AGK: variants seen among roughly 807,000 people sequenced by gnomAD.
AGK encodes the protein acylglycerol kinase, mitochondrial.
AGK carries 52 observed loss-of-function variants against 66.4 expected under a neutral mutation model. The ratio of observed to expected loss-of-function variants is 0.78; its 90% CI spans 0.63 to 0.99. The LOEUF is 0.99. Ranked by LOEUF, AGK falls within the 50% of genes least tolerant of loss-of-function variation. The pLI, the probability that AGK is intolerant of heterozygous loss-of-function variation, is 0.00. For synonymous variants in AGK, 182 were observed against 181.1 expected (o/e 1.00, Z -0.04); for missense variants, 451 against 506.6 (o/e 0.89, Z 1.05).
chr7:141,622,532 A>G (rs187912462), intron 9 of AGK, among the ~76,000 whole-genome samples: 1 of 152,276 alleles, frequency 6.6e-6, no homozygotes, highest in Non-Finnish European at 1.5e-5. Context: ...GTGATCTGCT[A>G]TCGGTGATCT....
At chr7:141,559,259 G>A (rs1795283971) in intron 2 of AGK, among the ~76,000 whole-genome samples, 1 of 152,032 alleles carries the variant, frequency 6.6e-6, no homozygotes, top group African/African-American at 2.4e-5. Flanking sequence ...CTTACATTTA[G>A]GTCTTTAACA....
chr7:141,613,052 T>C (rs1266572510), intron 6 of AGK, among the ~76,000 whole-genome samples: 1 of 152,156 alleles, frequency 6.6e-6, no homozygotes, highest in Admixed American at 6.5e-5. Context: ...GTGCTAATGA[T>C]GTTGTAATTG....
In AGK at chr7:141,633,951, T is replaced by C; in HGVS notation, c.639T>C (p.Ser213=). 1 of 1,614,076 alleles carries C rather than the reference T, an allele frequency of 6.2e-7. No individual in the cohort carries two copies. Among genetic ancestry groups the C allele is most frequent in the Non-Finnish European group, 8.5e-7 (1 of 1,179,932 alleles). Residue 213 remains serine (S), a synonymous_variant, in exon 10 of 16, where the codon TCT becomes TCC. Transcript: ENST00000649286. ...VFAMTGLRWG[S]FRDAGVKVSK... is the part of the protein sequence containing the mutation. Reference sequence around the variant, plus strand: ...CAATGACCGGCCTTCGATGGGGATCTTTCAGAGATGCTGGCGTCAAAGTTA... The same window carrying C: ...CAATGACCGGCCTTCGATGGGGATCCTTCAGAGATGCTGGCGTCAAAGTTA...
At chr7:141,624,305 C>T (rs1043861831) in intron 9 of AGK, among the ~76,000 whole-genome samples, 1 of 152,050 alleles carries the variant, frequency 6.6e-6, no homozygotes, top group Non-Finnish European at 1.5e-5. Context: ...AAGTGAGACC[C>T]CATCTATACA....
intron 14 of AGK, chr7:141,650,644 C>G: frequency 4.1e-6 from 4 of 985,422 alleles, no homozygotes; most frequent in Non-Finnish European, 4.8e-6. Context: ...AAAGATACAT[C>G]TGCATGAGGT....
chr7:141,622,734 A>T (rs150313933), intron 9 of AGK, among the ~76,000 whole-genome samples: 12 of 152,282 alleles, frequency 7.9e-5, no homozygotes, highest in Non-Finnish European at 1.6e-4. Context: ...CATAAAGAAG[A>T]CGCATCTGTC....
At chr7:141,563,257 A>G (rs1457909861) in intron 2 of AGK, among the ~76,000 whole-genome samples, 2 of 152,146 alleles carry the variant, frequency 1.3e-5, no homozygotes, top group East Asian at 3.8e-4. Context: ...CCTGCCTTTT[A>G]TCTGTCATCT....
intron 9 of AGK, among the ~76,000 whole-genome samples, chr7:141,626,598 T>C (rs1356290385): frequency 6.6e-6 from 1 of 152,224 alleles, no homozygotes; most frequent in Non-Finnish European, 1.5e-5. Context: ...ACATCACCTA[T>C]GTATTTTGCT....
chr7:141,631,930 C>T (rs1488815271), intron 9 of AGK, among the ~76,000 whole-genome samples: 1 of 152,116 alleles, frequency 6.6e-6, no homozygotes, highest in Non-Finnish European at 1.5e-5. Context: ...CCATCACCTC[C>T]TTATATTAAT....
At chr7:141,646,398 A>G (rs1010576845) in intron 13 of AGK, among the ~76,000 whole-genome samples, 1 of 152,196 alleles carries the variant, frequency 6.6e-6, no homozygotes, top group African/African-American at 2.4e-5. Context: ...TCCTCTTCAG[A>G]CATGGGGCAT....
intron 2 of AGK, among the ~76,000 whole-genome samples, chr7:141,585,379 C>T (rs79963686): frequency 0.061 from 9,294 of 152,262 alleles, 533 homozygotes; most frequent in South Asian, 0.14. Flanking sequence ...TGTCTTTGCT[C>T]CCATTTCTTT....
intron 2 of AGK, among the ~76,000 whole-genome samples, chr7:141,565,639 A>G (rs1795452026): frequency 6.8e-6 from 1 of 147,478 alleles, no homozygotes; most frequent in Non-Finnish European, 1.5e-5. Context: ...CTTCGTCTCA[A>G]AAAAAAAAAA....
intron 5 of AGK, among the ~76,000 whole-genome samples, chr7:141,604,360 A>ATGTGTG (rs201739398): frequency 1.8e-4 from 21 of 113,636 alleles, no homozygotes; most frequent in African/African-American, 6.8e-4. Context: ...ATATGTATGA[A>ATGTGTG]TGTGTGTGTG....
chr7:141,558,657 G>A (rs1008135965), intron 2 of AGK, among the ~76,000 whole-genome samples: 7 of 152,114 alleles, frequency 4.6e-5, no homozygotes, highest in Admixed American at 2.6e-4. Context: ...AGTGGGGATT[G>A]CTAGATCATA....
intron 2 of AGK, among the ~76,000 whole-genome samples, chr7:141,589,731 T>C (rs1587098458): frequency 6.6e-6 from 1 of 152,316 alleles, no homozygotes; most frequent in South Asian, 2.1e-4. Flanking sequence ...TGGATAATTT[T>C]GTATTTTTAG....
intron 5 of AGK, among the ~76,000 whole-genome samples, chr7:141,607,944 G>A (rs1172035946): frequency 1.3e-5 from 2 of 151,502 alleles, no homozygotes; most frequent in African/African-American, 4.9e-5. Context: ...TTGAAATTAT[G>A]GTCTGTCAAA....
At chr7:141,649,398 G>A in intron 14 of AGK, 65 bp downstream of exon 14, 1 of 1,192,480 alleles carries the variant, frequency 8.4e-7, no homozygotes, top group South Asian at 1.3e-5. Context: ...TATTCAGAGT[G>A]CCCCATGAAG....
intron 11 of AGK, among the ~76,000 whole-genome samples, chr7:141,637,991 A>T (rs1429171671): frequency 6.6e-6 from 1 of 152,182 alleles, no homozygotes; most frequent in Non-Finnish European, 1.5e-5. Flanking sequence ...CTCGAGTTTC[A>T]TTGGTGGAGT....
At chr7:141,641,447 G>A in intron 12 of AGK, 49 bp downstream of exon 12, 2 of 1,556,886 alleles carry the variant, frequency 1.3e-6, no homozygotes, top group Non-Finnish European at 1.7e-6. Flanking sequence ...CAGTTTAGAA[G>A]TGCCCTAAAG....
Sources: gnomAD v4.1 joint callset for allele counts (sites outside exome capture counted in the v4.1 genomes callset) on GRCh38, gnomAD v4.1.1 for gene constraint, MANE v1.5 for transcripts, NCBI Gene and HGNC (gene_info 2026-07-23, HGNC 2026-07-21) for gene names.